Variants in GAREM1 observed in about 807,000 individuals in gnomAD.
The protein encoded by GAREM1 is GRB2 associated regulator of MAPK1 subtype 1, also known as GRB2-associated and regulator of MAPK protein 1.
A neutral mutation model predicts 71.3 loss-of-function variants in GAREM1; 26 were observed. The ratio of observed to expected loss-of-function variants is 0.36; its 90% CI spans 0.27 to 0.51. GAREM1 has a LOEUF of 0.51. Among genes scored for constraint, GAREM1 ranks in the 20% least tolerant of loss-of-function variants. The pLI, the probability that GAREM1 is intolerant of heterozygous loss-of-function variation, is 0.95. For synonymous variants in GAREM1, 440 were observed against 433.2 expected, an observed-to-expected ratio of 1.02 and a Z score of -0.20; for missense variants, 1,026 against 1,103.1, an observed-to-expected ratio of 0.93 and a Z score of 0.99.
intron 2 of GAREM1, among the ~76,000 whole-genome samples, chr18:32,320,088 CT>C (rs1228678602): frequency 6.6e-6 from 1 of 152,142 alleles, no homozygotes. Context: ...TATTGTCAAA[CT>C]AAGAGGTCTG....
At chr18:32,352,334 C>G (rs577552368) in intron 2 of GAREM1, among the ~76,000 whole-genome samples, 5 of 152,324 alleles carry the variant, frequency 3.3e-5, no homozygotes, top group South Asian at 4.1e-4. Flanking sequence ...AAATGCATCC[C>G]GTGGCCAGCG....
chr18:32,281,597 G>A (rs2046951841), intron 4 of GAREM1, among the ~76,000 whole-genome samples: 1 of 152,182 alleles, frequency 6.6e-6, no homozygotes, highest in Non-Finnish European at 1.5e-5. Context: ...TCACAAAAGA[G>A]CTCCTTTTAT....
chr18:32,363,995 C>CATATACATATATATAT (rs1555638700), intron 2 of GAREM1, among the ~76,000 whole-genome samples: 1 of 21,330 alleles, frequency 4.7e-5, no homozygotes. Flanking sequence ...TACATATATA[C>CATATACATATATATAT]ATATATATAT....
At position 32,341,746 on chromosome 18, in the gene GAREM1, A is replaced by T. The variant is rs185369254; in HGVS notation, c.263-31423T>A. Among the ~76,000 whole-genome samples, 489 of 152,110 alleles carry T rather than the reference A, an allele frequency of 3.2e-3. 4 individuals are homozygous for T. The highest frequency in any genetic ancestry group is 0.018 in the South Asian group (85 of 4,808). On this transcript the variant is annotated intron_variant, in intron 2 of 5. Transcript: ENST00000269209. ...GTGGAGAATGGGGTGGAGCGGGGAG[A>T]GGTGGAATGGAGAGGAGATACCCAG...
intron 4 of GAREM1, among the ~76,000 whole-genome samples, chr18:32,276,866 C>G (rs949084790): frequency 6.6e-6 from 1 of 152,026 alleles, no homozygotes; most frequent in East Asian, 1.9e-4. Context: ...GAAGGCTGAA[C>G]CCCCAAAGGA....
At chr18:32,413,983 A>C (rs2144687896) in intron 1 of GAREM1, among the ~76,000 whole-genome samples, 1 of 152,268 alleles carries the variant, frequency 6.6e-6, no homozygotes, top group African/African-American at 2.4e-5. Context: ...TAAACTTGTC[A>C]TCTGAGACAT....
intron 2 of GAREM1, among the ~76,000 whole-genome samples, chr18:32,343,176 T>C (rs2047662820): frequency 6.6e-6 from 1 of 152,134 alleles, no homozygotes; most frequent in Non-Finnish European, 1.5e-5. Context: ...CAAATTTAGT[T>C]ACAGAAAGTA....
At chr18:32,361,385 CAAAAT>C (rs1395100994) in intron 2 of GAREM1, among the ~76,000 whole-genome samples, 18 of 152,152 alleles carry the variant, frequency 1.2e-4, no homozygotes, top group Non-Finnish European at 1.5e-5. Flanking sequence ...TGCAAAAAAA[CAAAAT>C]AAAACAAAAT....
At chr18:32,457,963 AG>A (rs2048913087) in intron 1 of GAREM1, among the ~76,000 whole-genome samples, 1 of 152,102 alleles carries the variant, frequency 6.6e-6, no homozygotes, top group Non-Finnish European at 1.5e-5. Flanking sequence ...GATATTCAAT[AG>A]AAAAAATGAA....
chr18:32,392,793 T>C (rs1487341992), intron 2 of GAREM1, 102 bp downstream of exon 2: 2 of 1,252,154 alleles, frequency 1.6e-6, no homozygotes, highest in Non-Finnish European at 2.2e-6. Flanking sequence ...ATTCTCTAAG[T>C]CATTCTACTT....
chr18:32,425,235 A>C (rs1194973941), intron 1 of GAREM1, among the ~76,000 whole-genome samples: 1 of 152,192 alleles, frequency 6.6e-6, no homozygotes, highest in African/African-American at 2.4e-5. Flanking sequence ...TTCCACATTA[A>C]TGATAGGAAA....
At chr18:32,422,541 C>T (rs1365523558) in intron 1 of GAREM1, among the ~76,000 whole-genome samples, 1 of 152,180 alleles carries the variant, frequency 6.6e-6, no homozygotes, top group African/African-American at 2.4e-5. Context: ...GATTAAGTTT[C>T]CTGTGTAACT....
At chr18:32,383,779 G>A (rs968664457) in intron 2 of GAREM1, among the ~76,000 whole-genome samples, 1 of 152,086 alleles carries the variant, frequency 6.6e-6, no homozygotes, top group African/African-American at 2.4e-5. Flanking sequence ...TAGCCTAGGA[G>A]TTTTGAACCC....
chr18:32,436,261 C>T (rs2048677134), intron 1 of GAREM1, among the ~76,000 whole-genome samples: 1 of 152,108 alleles, frequency 6.6e-6, no homozygotes, highest in South Asian at 2.1e-4. Context: ...CAGCACAGAA[C>T]CAACCTGTGG....
chr18:32,344,237 C>T (rs962168586), intron 2 of GAREM1, among the ~76,000 whole-genome samples: 2 of 152,212 alleles, frequency 1.3e-5, no homozygotes, highest in East Asian at 1.9e-4. Flanking sequence ...AGATACTCAA[C>T]TAGACTTAGT....
At chr18:32,308,529 TA>T (rs1567958389) in intron 3 of GAREM1, among the ~76,000 whole-genome samples, 1 of 149,388 alleles carries the variant, frequency 6.7e-6, no homozygotes, top group Non-Finnish European at 1.5e-5. Context: ...AAAAAAAACT[TA>T]TTTTTTTTTC....
At chr18:32,351,805 C>T (rs779946724) in intron 2 of GAREM1, among the ~76,000 whole-genome samples, 8 of 151,798 alleles carry the variant, frequency 5.3e-5, no homozygotes, top group Admixed American at 2.0e-4. Context: ...TAGGCCTGAC[C>T]GGCTACCCTA....
chr18:32,360,740 T>A (rs2047857673), intron 2 of GAREM1, among the ~76,000 whole-genome samples: 1 of 152,174 alleles, frequency 6.6e-6, no homozygotes, highest in South Asian at 2.1e-4. Flanking sequence ...CTGATTAAAT[T>A]AGGTTTGAAA....
intron 1 of GAREM1, among the ~76,000 whole-genome samples, chr18:32,401,113 G>C (rs1479511257): frequency 1.3e-5 from 2 of 152,128 alleles, no homozygotes; most frequent in Non-Finnish European, 2.9e-5. Context: ...CTCATAGGTA[G>C]GAACTGAACA....
Sources: gnomAD v4.1 joint callset for allele counts (sites outside exome capture counted in the v4.1 genomes callset) on GRCh38, gnomAD v4.1.1 for gene constraint, MANE v1.5 for transcripts, NCBI Gene and HGNC (gene_info 2026-07-23, HGNC 2026-07-21) for gene names.